Variants in PIAS2 observed in about 807,000 individuals in gnomAD.
PIAS2 encodes the protein protein inhibitor of activated STAT 2.
Under a neutral mutation model 69.7 loss-of-function variants are expected in PIAS2, and 19 were observed. The observed-to-expected ratio is 0.27, with a 90% CI of 0.19 to 0.40. The LOEUF is 0.40. PIAS2 is among the 10% of genes least tolerant of loss of function. The pLI is 1.00. For synonymous variants in PIAS2, 261 were observed against 263.2 expected, an observed-to-expected ratio of 0.99 and a Z score of 0.08; for missense variants, 624 against 757.0, an observed-to-expected ratio of 0.82 and a Z score of 2.06.
At chr18:46,871,519 A>G (rs2050356262) in intron 2 of PIAS2, among the ~76,000 whole-genome samples, 1 of 152,200 alleles carries the variant, frequency 6.6e-6, no homozygotes, top group Non-Finnish European at 1.5e-5. Context: ...TGAATGGGAG[A>G]AGGAGAAAGA....
intron 5 of PIAS2, chr18:46,853,012 C>T: frequency 6.6e-6 from 1 of 152,568 alleles, no homozygotes; most frequent in Non-Finnish European, 1.5e-5. Context: ...CGCAGTGGCT[C>T]ACACCTGTAA....
chr18:46,879,192 C>A (rs1349063246), intron 2 of PIAS2, among the ~76,000 whole-genome samples: 1 of 152,138 alleles, frequency 6.6e-6, no homozygotes, highest in Non-Finnish European at 1.5e-5. Flanking sequence ...AGGGTAGGAG[C>A]AGGACTTCTA....
chr18:46,829,615 T>TATA (rs1375684554), intron 10 of PIAS2, 119 bp downstream of exon 10: 4 of 834,182 alleles, frequency 4.8e-6, no homozygotes, highest in Non-Finnish European at 7.6e-6. Context: ...GAAAACTATA[T>TATA]ATCATCAAAA....
intron 9 of PIAS2, among the ~76,000 whole-genome samples, chr18:46,830,886 T>C (rs616900): frequency 6.6e-6 from 1 of 151,888 alleles, no homozygotes; most frequent in Non-Finnish European, 1.5e-5. Flanking sequence ...AGGCAGGCAT[T>C]GCAACAAAAC....
Position 46,812,341 on chromosome 18 carries a change from T to TAAAAA in PIAS2, c.*87_*91dup. On this transcript the variant is annotated 3_prime_UTR_variant, in exon 14 of 14. Transcript: ENST00000585916. ...TGACTTTCAATAAATACCAAATTAT[T>TAAAAA]AAAAAAAAAAAAAAAAGAACGTTTC... 1 of 575,918 alleles carries TAAAAA rather than the reference T, an allele frequency of 1.7e-6. No homozygotes were observed. The allele number at this position is 575,918 out of a possible 1,614,324, so 35.7% of individuals were successfully genotyped here.
At chr18:46,881,128 CCTG>C (rs1368969371) in intron 2 of PIAS2, among the ~76,000 whole-genome samples, 1 of 152,172 alleles carries the variant, frequency 6.6e-6, no homozygotes, top group Non-Finnish European at 1.5e-5. Flanking sequence ...AGCCCCAACT[CCTG>C]CCAGTCTCCC....
chr18:46,821,186 A>G (rs2144804036), intron 11 of PIAS2, 114 bp from the exon 12 acceptor site: 1 of 987,298 alleles, frequency 1.0e-6, no homozygotes, highest in Non-Finnish European at 1.6e-6. Context: ...GCACAACTAT[A>G]TGGCAGCTAC....
At chr18:46,900,629 A>G (rs973634615) in intron 1 of PIAS2, among the ~76,000 whole-genome samples, 1 of 151,870 alleles carries the variant, frequency 6.6e-6, no homozygotes, top group African/African-American at 2.4e-5. Context: ...GTGAGCTATA[A>G]TCATGCCAAT....
At chr18:46,860,076 T>C (rs1415677493) in intron 3 of PIAS2, among the ~76,000 whole-genome samples, 1 of 152,218 alleles carries the variant, frequency 6.6e-6, no homozygotes, top group Non-Finnish European at 1.5e-5. Flanking sequence ...GCGTCTAGTC[T>C]AGATCTTACT....
chr18:46,916,694 C>A, intron 1 of PIAS2: 5 of 405,942 alleles, frequency 1.2e-5, no homozygotes, highest in Non-Finnish European at 1.7e-5. Flanking sequence ...ATAGACTTTG[C>A]AGATTTCTTA....
At chr18:46,895,228 A>G (rs2054660382) in intron 1 of PIAS2, among the ~76,000 whole-genome samples, 1 of 152,162 alleles carries the variant, frequency 6.6e-6, no homozygotes. Context: ...AAGTGCTAAT[A>G]AGGTTAGAAA....
Position 46,828,055 on chromosome 18 carries a change from T to C in PIAS2, c.1412A>G (p.Asp471Gly), listed in dbSNP as rs1356537446. Residue 471 changes from aspartate (D) to glycine (G), a missense_variant, in exon 11 of 14, where the codon GAT becomes GGT. Transcript: ENST00000585916. Reference sequence around the variant, plus strand: ...GTCAGAAGAGCTTTCTATTGTAAGATCAATAACATCTACTTTCTTCTTGCT... The same window carrying C: ...GTCAGAAGAGCTTTCTATTGTAAGACCAATAACATCTACTTTCTTCTTGCT... Reference protein sequence around the residue: ...EASKKKVDVIDLTIESSSDEE... With the variant: ...EASKKKVDVIGLTIESSSDEE... The C allele has an allele frequency of 1.2e-6, 2 of 1,613,738 alleles. No individual in the cohort carries two copies. The highest frequency in any genetic ancestry group is 8.5e-7 in the Non-Finnish European group (1 of 1,179,832).
At chr18:46,855,525 G>A (rs748214822) in intron 4 of PIAS2, 40 bp downstream of exon 4, 2 of 1,579,502 alleles carry the variant, frequency 1.3e-6, no homozygotes, top group African/African-American at 2.7e-5. Flanking sequence ...CACATAGTAA[G>A]CAAGTATAAA....
intron 5 of PIAS2, among the ~76,000 whole-genome samples, chr18:46,847,478 C>T (rs2046320077): frequency 6.6e-6 from 1 of 151,354 alleles, no homozygotes; most frequent in African/African-American, 2.4e-5. Flanking sequence ...TAGTCATCAA[C>T]CGTATTTTTT....
intron 9 of PIAS2, among the ~76,000 whole-genome samples, chr18:46,834,891 T>C (rs901819266): frequency 6.6e-6 from 1 of 152,176 alleles, no homozygotes; most frequent in African/African-American, 2.4e-5. Context: ...AAGGGAAAAA[T>C]AGCTTACTCC....
At chr18:46,862,268 T>C (rs925562211) in intron 3 of PIAS2, among the ~76,000 whole-genome samples, 1 of 151,876 alleles carries the variant, frequency 6.6e-6, no homozygotes, top group Non-Finnish European at 1.5e-5. Context: ...GAGGTGGAGG[T>C]TGCAGTGAGC....
At chr18:46,868,289 C>G (rs1460405359) in intron 2 of PIAS2, among the ~76,000 whole-genome samples, 1 of 152,206 alleles carries the variant, frequency 6.6e-6, no homozygotes, top group African/African-American at 2.4e-5. Context: ...CCTAAGCTAT[C>G]TGCTCTGTAA....
In PIAS2 at chr18:46,806,289, TTCC is replaced by T. The variant is rs1380943963; in HGVS notation, c.*6141_*6143del. 1.1e-4 allele frequency: 17 copies of T among 151,230 alleles called. No homozygotes were observed. The highest frequency in any genetic ancestry group is 4.1e-4 in the African/African-American group (17 of 41,164). The allele number at this position is 151,230 out of a possible 1,614,324, so 9.4% of individuals were successfully genotyped here. On this transcript the variant is annotated 3_prime_UTR_variant, in exon 14 of 14. Coordinates refer to ENST00000585916, the MANE Select transcript of PIAS2 (RefSeq NM_004671.5). ...TTGTAAAATGGGGAATAACACCACT[TTCC>T]TCTGAGAAGCCATTGCAAGAATGAG... is the stretch of plus-strand genomic sequence containing the variant.
At chr18:46,904,753 T>TGA (rs1233385628) in intron 1 of PIAS2, among the ~76,000 whole-genome samples, 8 of 114,298 alleles carry the variant, frequency 7.0e-5, no homozygotes, top group African/African-American at 2.6e-4. Flanking sequence ...TCCATCCGTC[T>TGA]CAAAAAAAAA....
Sources: allele counts gnomAD v4.1 joint callset (sites outside exome capture counted in the v4.1 genomes callset), GRCh38; gene constraint gnomAD v4.1.1; transcripts MANE v1.5; gene names NCBI Gene and HGNC (gene_info 2026-07-23, HGNC 2026-07-21).